IQCH: variants seen among roughly 807,000 people sequenced by gnomAD.
IQCH encodes IQ motif containing H, also known as IQ domain-containing protein H.
IQCH carries 98 observed loss-of-function variants against 117.0 expected under a neutral mutation model. The ratio of observed to expected loss-of-function variants is 0.84; its 90% CI spans 0.71 to 0.99. The LOEUF is 0.99. Ranked by LOEUF, IQCH falls within the 50% of genes least tolerant of loss-of-function variation. IQCH has a pLI of 0.00. For synonymous variants in IQCH, 412 were observed against 448.2 expected, an observed-to-expected ratio of 0.92 and a Z score of 1.02; for missense variants, 1,102 against 1,243.8, an observed-to-expected ratio of 0.89 and a Z score of 1.72.
chr15:67,380,103 C>T (rs772069054), intron 10 of IQCH, among the ~76,000 whole-genome samples: 6 of 152,320 alleles, frequency 3.9e-5, no homozygotes, highest in East Asian at 3.9e-4. Context: ...CTGCCCACCT[C>T]GGCCTCCCAA....
At chr15:67,357,269 G>A in intron 6 of IQCH, 76 bp from the exon 7 acceptor site, 1 of 969,682 alleles carries the variant, frequency 1.0e-6, no homozygotes, top group Non-Finnish European at 1.7e-6. Context: ...CTTTCAAGGT[G>A]CAAACCCAAT....
At chr15:67,377,277 C>T (rs557967835) in intron 10 of IQCH, among the ~76,000 whole-genome samples, 1 of 151,998 alleles carries the variant, frequency 6.6e-6, no homozygotes, top group Admixed American at 6.6e-5. Context: ...ACCTGATTTG[C>T]CTTGTAATTT....
chr15:67,451,271 G>GA (rs1272737578), intron 16 of IQCH, among the ~76,000 whole-genome samples: 1 of 152,080 alleles, frequency 6.6e-6, no homozygotes, highest in Non-Finnish European at 1.5e-5. Context: ...GCTAGCTTTT[G>GA]AATGTGTTTG....
rs1178768163 is a variant in IQCH, at chr15:67,473,956, G to A, written c.2677-1740G>A. Among the ~76,000 whole-genome samples the A allele has an allele frequency of 1.3e-5, 2 of 152,080 alleles. No homozygotes were observed. The highest frequency in any genetic ancestry group is 4.8e-5 in the African/African-American group (2 of 41,406). On this transcript the variant is annotated intron_variant, in intron 17 of 20. Transcript: ENST00000335894. This position sits in a 1 kb window ranked among gnomAD's most constrained non-coding sequence, Gnocchi z 4.9. ...TTAGGATGAGCAGCCTTAACTGGTG[G>A]CACTGATGATGTGACCTTCGGACAC...
At chr15:67,355,325 G>A (rs139390181) in intron 6 of IQCH, among the ~76,000 whole-genome samples, 1 of 152,172 alleles carries the variant, frequency 6.6e-6, no homozygotes, top group East Asian at 1.9e-4. Context: ...GGTGGCTCAC[G>A]CCTGTAATGC....
intron 8 of IQCH, among the ~76,000 whole-genome samples, chr15:67,360,704 A>T (rs1202962225): frequency 6.6e-6 from 1 of 152,242 alleles, no homozygotes; most frequent in African/African-American, 2.4e-5. Context: ...TCTTATCAGT[A>T]AGAATTTTAC....
At chr15:67,461,334 A>G (rs1048118336) in intron 16 of IQCH, among the ~76,000 whole-genome samples, 30 of 152,246 alleles carry the variant, frequency 2.0e-4, no homozygotes, top group Admixed American at 2.0e-3. Flanking sequence ...ACCCACCTGG[A>G]TCTCATTTCC....
chr15:67,372,039 G>A, intron 8 of IQCH, 72 bp from the exon 9 acceptor site: 1 of 1,252,034 alleles, frequency 8.0e-7, no homozygotes, highest in Non-Finnish European at 1.1e-6. Flanking sequence ...AATGTAGTGT[G>A]TGTCTTGACC....
intron 13 of IQCH, among the ~76,000 whole-genome samples, chr15:67,398,558 G>T (rs567881612): frequency 6.6e-6 from 1 of 152,118 alleles, no homozygotes; most frequent in African/African-American, 2.4e-5. Flanking sequence ...CCCAAGTATG[G>T]CCATTTTGCT....
chr15:67,394,230 A>G (rs1971383071), intron 12 of IQCH, among the ~76,000 whole-genome samples: 1 of 151,834 alleles, frequency 6.6e-6, no homozygotes, highest in South Asian at 2.1e-4. Context: ...CTCAACCCCA[A>G]CCTCTTTCAT....
chr15:67,277,747 A>G (rs1966187925), intron 3 of IQCH, among the ~76,000 whole-genome samples: 1 of 151,842 alleles, frequency 6.6e-6, no homozygotes, highest in Non-Finnish European at 1.5e-5. Flanking sequence ...GTTAGCCAGG[A>G]TGGTCTCGAT....
At chr15:67,281,022 T>A (rs909304530) in intron 4 of IQCH, among the ~76,000 whole-genome samples, 19 of 152,048 alleles carry the variant, frequency 1.2e-4, no homozygotes, top group Admixed American at 3.9e-4. Flanking sequence ...ATTTTTATAT[T>A]TTTAGTAGAG....
At chr15:67,301,035 G>T (rs889055176) in intron 4 of IQCH, among the ~76,000 whole-genome samples, 23 of 152,076 alleles carry the variant, frequency 1.5e-4, no homozygotes, top group African/African-American at 2.4e-5. Context: ...ATATCTGCTT[G>T]TAATTACCAT....
At chr15:67,293,367 G>A (rs147005818) in intron 4 of IQCH, among the ~76,000 whole-genome samples, 2 of 152,250 alleles carry the variant, frequency 1.3e-5, no homozygotes, top group East Asian at 3.9e-4. Flanking sequence ...TTGGTCCCAT[G>A]ATCTCCCTTG....
intron 16 of IQCH, among the ~76,000 whole-genome samples, chr15:67,461,521 C>T (rs1293309013): frequency 6.6e-6 from 1 of 152,218 alleles, no homozygotes; most frequent in Non-Finnish European, 1.5e-5. Flanking sequence ...AAGCATGCCT[C>T]AGGCGGTGTC....
At chr15:67,373,206 A>C (rs553028116) in intron 9 of IQCH, among the ~76,000 whole-genome samples, 161 bp from the exon 10 acceptor site, 1 of 152,280 alleles carries the variant, frequency 6.6e-6, no homozygotes, top group African/African-American at 2.4e-5. Flanking sequence ...TCATGTAGCC[A>C]CCTAATTAAA....
At chr15:67,353,432 T>C (rs768467068) in intron 6 of IQCH, among the ~76,000 whole-genome samples, 2 of 151,682 alleles carry the variant, frequency 1.3e-5, no homozygotes, top group Non-Finnish European at 2.9e-5. Flanking sequence ...TGATCTCAGC[T>C]CACTGCAACC....
At chr15:67,279,755 C>A (rs1827626987) in intron 4 of IQCH, among the ~76,000 whole-genome samples, 1 of 152,122 alleles carries the variant, frequency 6.6e-6, no homozygotes, top group Non-Finnish European at 1.5e-5. Context: ...GTAATTCCAG[C>A]ACTTTGGGAG....
intron 17 of IQCH, among the ~76,000 whole-genome samples, chr15:67,471,161 G>T (rs777431944): frequency 1.3e-5 from 2 of 152,020 alleles, no homozygotes; most frequent in Non-Finnish European, 2.9e-5. Flanking sequence ...GTGCTGCAAT[G>T]AATAACTTTG....
Sources: allele counts gnomAD v4.1 joint callset (sites outside exome capture counted in the v4.1 genomes callset), GRCh38; gene constraint gnomAD v4.1.1; non-coding constraint Gnocchi (gnomAD v3.1); transcripts MANE v1.5; gene names NCBI Gene and HGNC (gene_info 2026-07-23, HGNC 2026-07-21).